The following TSR1 variants were observed in gnomAD, a reference collection of about 807,000 sequenced individuals.
TSR1 encodes pre-rRNA-processing protein TSR1 homolog.
TSR1 carries 81 observed loss-of-function variants against 90.9 expected under a neutral mutation model. That is an observed-to-expected ratio of 0.89 (90% CI 0.74 to 1.07). TSR1 has a LOEUF of 1.07. Ranked by LOEUF, TSR1 falls within the 50% of genes least tolerant of loss-of-function variation. The probability of loss-of-function intolerance (pLI) is 0.00; values close to 1 mark genes in which losing one functional copy is unlikely to be tolerated. For missense variants in TSR1, 989 were observed against 987.3 expected, an observed-to-expected ratio of 1.00 and a Z score of -0.02; for synonymous variants, 362 against 348.8, an observed-to-expected ratio of 1.04 and a Z score of -0.42.
At position 2,322,668 on chromosome 17, in the gene TSR1, T is replaced by C. The variant is rs1162324931; in HGVS notation, c.*1528A>G. 1.1e-5 allele frequency: 1 copy of C among 91,724 alleles called. No individual in the cohort carries two copies. The highest frequency in any genetic ancestry group is 5.3e-4 in the East Asian group (1 of 1,902). 5.7% of individuals were successfully genotyped at this position (91,724 alleles called of 1,614,324 possible). On this transcript the variant is annotated 3_prime_UTR_variant, in exon 15 of 15. Coordinates refer to ENST00000301364, the MANE Select transcript of TSR1 (RefSeq NM_018128.5). The stretch of plus-strand genomic sequence containing the variant: ...GGTGCCTGCCACCATGCCTGGCTAG[T>C]TTTTTTTTGTTTTTTTTTTTTGTAT...
rs765541484 is a variant in TSR1, at chr17:2,334,884, T to G, written c.569A>C (p.Gln190Pro). Reference protein sequence around the residue: ...QGLPTYTLAVQGISGLPLKKQ... With the variant: ...QGLPTYTLAVPGISGLPLKKQ... ...CTTCAGTGGGAGGCCAGAAATCCCC[T>G]GGACAGCTAGTGCTGTAAGCGAAAG... Residue 190 changes from glutamine (Q) to proline (P), a missense_variant, in exon 5 of 15, where the codon CAG becomes CCG. Gln to Pro is a moderately conservative substitution (Grantham distance 76). Coordinates refer to ENST00000301364, the MANE Select transcript of TSR1 (RefSeq NM_018128.5). 16 of 1,611,604 alleles carry G rather than the reference T, an allele frequency of 9.9e-6. No homozygotes were observed. The highest frequency in any genetic ancestry group is 1.2e-5 in the Non-Finnish European group (14 of 1,179,110).
In TSR1 at chr17:2,335,740, G is replaced by T. The variant is rs755154525; in HGVS notation, c.202-10C>A. Reference sequence around the variant, plus strand: ...TCTTCTCTGCCAGAACCTGAAAATAGAAAGATATCCGAGAACATCTCAGTG... The same window carrying T: ...TCTTCTCTGCCAGAACCTGAAAATATAAAGATATCCGAGAACATCTCAGTG... On this transcript the variant is annotated splice_polypyrimidine_tract_variant and intron_variant, in intron 2 of 14. Coordinates refer to ENST00000301364, the MANE Select transcript of TSR1 (RefSeq NM_018128.5). 6.2e-7 allele frequency: 1 copy of T among 1,610,830 alleles called. No individual in the cohort carries two copies. Among genetic ancestry groups the T allele is most frequent in the South Asian group, 1.1e-5 (1 of 90,928 alleles).
rs1451906561 is a variant in TSR1 at position 2,322,942 on chromosome 17, T to G, written c.*1254A>C. 1.8e-6 allele frequency: 1 copy of G among 566,840 alleles called. No individual in the cohort carries two copies. The highest frequency in any genetic ancestry group is 3.1e-5 in the East Asian group (1 of 32,712). The allele number at this position is 566,840 out of a possible 1,614,324, so 35.1% of individuals were successfully genotyped here. On this transcript the variant is annotated 3_prime_UTR_variant, in exon 15 of 15. Coordinates refer to ENST00000301364, the MANE Select transcript of TSR1 (RefSeq NM_018128.5). ...ACCACGCCTGGCTGATTTTCCTATT[T>G]TTAGTTGACACTGCATTTCACCAGG...
At chr17:2,327,625 G>A (rs1038119248) in intron 11 of TSR1, among the ~76,000 whole-genome samples, 3 of 152,050 alleles carry the variant, frequency 2.0e-5, no homozygotes, top group East Asian at 1.9e-4. Context: ...GTGCTCACCC[G>A]TAGAAGCTCA....
rs940770535 is a variant in TSR1, at chr17:2,336,151, G to A, written c.98-11C>T. ...TCAGTGCCAGACGGCCTGAATGGCAGATTAGAAGGGGCTGGTGTGATCGGC... is the reference window on the plus strand; with the variant it reads ...TCAGTGCCAGACGGCCTGAATGGCAAATTAGAAGGGGCTGGTGTGATCGGC... On this transcript the variant is annotated splice_polypyrimidine_tract_variant and intron_variant, in intron 1 of 14. Coordinates refer to ENST00000301364, the MANE Select transcript of TSR1 (RefSeq NM_018128.5). The A allele has an allele frequency of 6.2e-7, 1 of 1,613,324 alleles. No homozygotes were observed. Among genetic ancestry groups the A allele is most frequent in the East Asian group, 2.2e-5 (1 of 44,892 alleles).
At chr17:2,334,384 C>T (rs2151441943) in intron 5 of TSR1, 88 bp downstream of exon 5, 4 of 1,389,244 alleles carry the variant, frequency 2.9e-6, no homozygotes, top group Middle Eastern at 1.9e-4. Flanking sequence ...TCCTCATTCA[C>T]CTAAGTGTAC....
At chr17:2,326,808 A>C (rs1414935828) in intron 11 of TSR1, among the ~76,000 whole-genome samples, 1 of 152,168 alleles carries the variant, frequency 6.6e-6, no homozygotes, top group East Asian at 1.9e-4. Context: ...TGGCTAATTA[A>C]AAAGAAAAAT....
At chr17:2,333,400 T>C (rs922657257) in intron 6 of TSR1, 157 bp downstream of exon 6, 5 of 958,882 alleles carry the variant, frequency 5.2e-6, no homozygotes, top group African/African-American at 3.2e-5. Flanking sequence ...CTGTGTATAA[T>C]GTTTGTTTAT....
Position 2,324,725 on chromosome 17 carries a change from T to C in TSR1, c.2125A>G (p.Lys709Glu). 4 of 1,614,186 alleles carry C rather than the reference T, an allele frequency of 2.5e-6. No individual in the cohort carries two copies. The highest frequency in any genetic ancestry group is 3.4e-6 in the Non-Finnish European group (4 of 1,180,038). The change falls in exon 13 of 15, where the codon AAG (lysine) becomes GAG (glutamate). Residue 709 changes from lysine to glutamate, a missense_variant. Lys to Glu is a moderately conservative substitution (Grantham distance 56, BLOSUM62 1). Transcript: ENST00000301364. ...AACATGTAACGTACTACTGCCATCT[T>C]AGTAAAAATTTTGAAAGGATGACCA... ...LSGHPFKIFT[K>E]MAVVRYMFFN...
rs1490855592 is a variant in TSR1 at position 2,333,098 on chromosome 17, C to T, written c.1168G>A (p.Val390Ile). ...GATGTTCCTTTGGGGACCTTCTTTACCACCTTAGAACTTTCCTTCAAGAAA... is the reference window on the plus strand; with the variant it reads ...GATGTTCCTTTGGGGACCTTCTTTATCACCTTAGAACTTTCCTTCAAGAAA... Reference protein sequence around the residue: ...KDFLKESSKVVKKVPKGTSSY... With the variant: ...KDFLKESSKVIKKVPKGTSSY... The change falls in exon 7 of 15, where the codon GTA becomes ATA. Residue 390 changes from valine (V) to isoleucine (I), a missense_variant. Physicochemically the swap from Val to Ile is conservative, Grantham distance 29 (BLOSUM62 3). Transcript: ENST00000301364. The T allele has an allele frequency of 1.2e-6, 2 of 1,614,024 alleles. No homozygotes were observed. The highest frequency in any genetic ancestry group is 1.1e-5 in the South Asian group (1 of 91,060).
chr17:2,330,349 A>G, intron 10 of TSR1, 166 bp downstream of exon 10: 1 of 759,006 alleles, frequency 1.3e-6, no homozygotes, highest in East Asian at 2.5e-5. Flanking sequence ...CGATATGAAT[A>G]AAACCATCAT....
chr17:2,336,204 C>T (rs1295567146), intron 1 of TSR1, 64 bp from the exon 2 acceptor site: 31 of 1,600,234 alleles, frequency 1.9e-5, no homozygotes, highest in Non-Finnish European at 2.5e-5. Context: ...AGGGACTCCT[C>T]TCCGCCCACC....
At chr17:2,330,206 C>G (rs2075596759) in intron 10 of TSR1, 2 of 503,200 alleles carry the variant, frequency 4.0e-6, no homozygotes. Context: ...CAGGCGTGAG[C>G]CGCCGCGCCC....
At position 2,323,627 on chromosome 17, in the gene TSR1, T is replaced by C; in HGVS notation, c.*569A>G. 1 of 1,609,712 alleles carries C rather than the reference T, an allele frequency of 6.2e-7. No individual in the cohort carries two copies. The highest frequency in any genetic ancestry group is 8.5e-7 in the Non-Finnish European group (1 of 1,176,298). ...TAAACCAACTAGACTCCCCTTTCAC[T>C]AATTCCTACTCCCTTCCATATCAAC... On this transcript the variant is annotated 3_prime_UTR_variant, in exon 15 of 15. Coordinates refer to ENST00000301364, the MANE Select transcript of TSR1 (RefSeq NM_018128.5).
rs1385851289 is a variant in TSR1 at position 2,333,073 on chromosome 17, G to C, written c.1193C>G (p.Ser398Cys). The C allele has an allele frequency of 1.9e-6, 3 of 1,614,084 alleles. No individual in the cohort carries two copies. Among genetic ancestry groups the C allele is most frequent in the Non-Finnish European group, 2.5e-6 (3 of 1,180,018 alleles). ...CAAAATCCATTCAGCTTGGTAACTG[G>C]ATGTTCCTTTGGGGACCTTCTTTAC... The part of the protein sequence containing the change: ...KVVKKVPKGT[S>C]SYQAEWILDG... The change falls in exon 7 of 15, where the codon TCC becomes TGC. Residue 398 changes from serine to cysteine, a missense_variant. Coordinates refer to ENST00000301364, the MANE Select transcript of TSR1 (RefSeq NM_018128.5).
chr17:2,335,769 C>T, intron 2 of TSR1, 39 bp from the exon 3 acceptor site: 1 of 1,587,694 alleles, frequency 6.3e-7, no homozygotes, highest in South Asian at 1.1e-5. Flanking sequence ...CTCAGTGTCT[C>T]AGTACTTCAC....
rs1485879551 is a variant in TSR1 at position 2,336,419 on chromosome 17, G to T, written c.9C>A (p.Ala3=). ...GCTGCTTGAGCGGGCCGGGGCGGTG[G>T]GCCGCCATGCCGCAGCGCGCGTGTA... MA[A]HRPGPLKQQN... is the part of the protein sequence containing the mutation. The change falls in exon 1 of 15, where the codon GCC becomes GCA. Residue 3 remains alanine, a synonymous_variant. Transcript: ENST00000301364. 5 of 1,610,748 alleles carry T rather than the reference G, an allele frequency of 3.1e-6. No individual in the cohort carries two copies. Among genetic ancestry groups the T allele is most frequent in the African/African-American group, 1.3e-5 (1 of 74,888 alleles).
Position 2,330,658 on chromosome 17 carries a change from T to C in TSR1, c.1660-33A>G, listed in dbSNP as rs758816227. 24 of 1,599,324 alleles carry C rather than the reference T, an allele frequency of 1.5e-5. No individual in the cohort carries two copies. In the East Asian group the frequency reaches 3.8e-4, roughly 25 times the overall value. On this transcript the variant is annotated intron_variant, in intron 9 of 14. Transcript: ENST00000301364. ...AAGAAAGCAGAAAGCAATCATGGAGTTACCTTTCAAAGTCCCAATAGCGAG... is the reference window on the plus strand; with the variant it reads ...AAGAAAGCAGAAAGCAATCATGGAGCTACCTTTCAAAGTCCCAATAGCGAG...
Position 2,323,568 on chromosome 17 carries a change from A to G in TSR1, c.*628T>C, listed in dbSNP as rs532729839. 23 of 1,404,832 alleles carry G rather than the reference A, an allele frequency of 1.6e-5. No individual in the cohort carries two copies. The African/African-American group carries it at 2.0e-4, about 12-fold the overall frequency. The allele number at this position is 1,404,832 out of a possible 1,614,324, so 87.0% of individuals were successfully genotyped here. A position where few individuals can be genotyped will look rare whatever the true frequency, so the allele number is the denominator to read the frequency against. On this transcript the variant is annotated 3_prime_UTR_variant, in exon 15 of 15. Transcript: ENST00000301364. ...GTGTACACAGTGATAAGAAAATTCA[A>G]ACTGGACACGTATTCTCATCTGAAC...
Sources: gnomAD v4.1 joint callset for allele counts (sites outside exome capture counted in the v4.1 genomes callset) on GRCh38, gnomAD v4.1.1 for gene constraint, MANE v1.5 for transcripts, NCBI Gene and HGNC (gene_info 2026-07-23, HGNC 2026-07-21) for gene names.